The following PHEX variants were observed in gnomAD, a reference collection of about 807,000 sequenced individuals.
The protein encoded by PHEX is phosphate regulating endopeptidase X-linked.
Under a neutral mutation model 68.0 loss-of-function variants are expected in PHEX, and 16 were observed. That is an observed-to-expected ratio of 0.24 (90% confidence interval 0.16 to 0.36). The LOEUF (loss-of-function observed/expected upper bound fraction) is 0.36. Among genes scored for constraint, PHEX ranks in the 10% least tolerant of loss-of-function variants. The pLI, the probability that PHEX is intolerant of heterozygous loss-of-function variation, is 1.00. For missense variants in PHEX, 480 were observed against 575.5 expected (o/e 0.83, Z 1.70); for synonymous variants, 208 against 205.1 (o/e 1.01, Z -0.12).
chrX:22,176,396 AAAAAAAAT>A (rs1167566486), intron 13 of PHEX, among the ~76,000 whole-genome samples: 9 of 79,083 alleles, frequency 1.1e-4, no homozygotes, highest in South Asian at 5.0e-4. Flanking sequence ...AAAAAAAAAA[AAAAAAAAT>A]ATATATATAT....
intron 9 of PHEX, among the ~76,000 whole-genome samples, chrX:22,106,434 A>G (rs778341474): frequency 3.8e-4 from 42 of 111,015 alleles, no homozygotes; most frequent in Non-Finnish European, 5.9e-4. Context: ...TCTTTGTTGG[A>G]GTGTTTTGGG....
chrX:22,188,662 A>C (rs1934106492), intron 14 of PHEX, among the ~76,000 whole-genome samples: 1 of 112,326 alleles, frequency 8.9e-6, no homozygotes, highest in South Asian at 3.7e-4. Flanking sequence ...TATGGGGTAC[A>C]TGAGATATTT....
At position 22,041,051 on chromosome X, in the gene PHEX, C is replaced by T. The variant is rs1378477239; in HGVS notation, c.187+2514C>T. 2.8e-5 allele frequency among the ~76,000 whole-genome samples: 3 copies of T among 107,512 alleles called. No individual in the cohort carries two copies. The East Asian group carries it at 8.8e-4, about 32-fold the overall frequency. The allele number at this position is 107,512 out of a possible 115,157, so 93.4% of individuals were successfully genotyped here. A position where few individuals can be genotyped will look rare whatever the true frequency, so the allele number is the denominator to read the frequency against. On this transcript the variant is annotated intron_variant, in intron 2 of 21. Coordinates refer to ENST00000379374, the MANE Select transcript of PHEX (RefSeq NM_000444.6). ...GAGGTAGAGGGCCTATTGAAGGATT[C>T]GATGCAGGCTGTGAACAAAAGCAGA...
intron 15 of PHEX, among the ~76,000 whole-genome samples, chrX:22,191,575 A>G (rs764570234): frequency 8.9e-6 from 1 of 112,210 alleles, no homozygotes; most frequent in African/African-American, 3.2e-5. Context: ...TAATAGCATC[A>G]TGGGGGATCT....
chrX:22,217,795 G>T (rs1021024983), intron 16 of PHEX, among the ~76,000 whole-genome samples: 1 of 111,799 alleles, frequency 8.9e-6, no homozygotes, highest in African/African-American at 3.3e-5. Context: ...TGAACAAGTA[G>T]ATAAGAGAGT....
At chrX:22,238,335 G>T in intron 20 of PHEX, among the ~76,000 whole-genome samples, 1 of 111,770 alleles carries the variant, frequency 8.9e-6, no homozygotes, top group African/African-American at 3.2e-5. Context: ...ACAAGGGGTT[G>T]GGGGATTTCC....
intron 4 of PHEX, 35 bp downstream of exon 4, chrX:22,076,509 C>T (rs758768169): frequency 1.2e-5 from 11 of 881,504 alleles, no homozygotes; most frequent in Admixed American, 2.2e-5. Context: ...AAATATTTAC[C>T]ATCCCTATCC....
chrX:22,085,992 G>T (rs1209158097), intron 5 of PHEX, among the ~76,000 whole-genome samples: 1 of 111,662 alleles, frequency 9.0e-6, no homozygotes, highest in African/African-American at 3.3e-5. Context: ...GGGTGCATAG[G>T]TATTTATAAT....
chrX:22,040,464 C>G (rs1418135520), intron 2 of PHEX, among the ~76,000 whole-genome samples: 1 of 111,051 alleles, frequency 9.0e-6, no homozygotes, highest in Non-Finnish European at 1.9e-5. Context: ...GACCCCATCT[C>G]TGAAAGAAAG....
chrX:22,205,435 G>A (rs868341056), intron 15 of PHEX, among the ~76,000 whole-genome samples: 2 of 111,385 alleles, frequency 1.8e-5, no homozygotes, highest in Non-Finnish European at 3.8e-5. Context: ...GTCTTGCATT[G>A]TGTTACTACA....
chrX:22,183,382 T>C (rs985311802), intron 14 of PHEX, among the ~76,000 whole-genome samples: 1 of 111,450 alleles, frequency 9.0e-6, no homozygotes, highest in Non-Finnish European at 1.9e-5. Flanking sequence ...GCTGAATCTC[T>C]CCCCTACCTA....
intron 11 of PHEX, among the ~76,000 whole-genome samples, chrX:22,126,874 T>G (rs1931752186): frequency 2.2e-5 from 2 of 89,120 alleles, no homozygotes; most frequent in Admixed American, 1.2e-4. Context: ...GTTTTTTTTT[T>G]TTTTTTTTTT....
At chrX:22,219,184 G>T (rs531701799) in intron 17 of PHEX, 81 bp downstream of exon 17, 1 of 664,551 alleles carries the variant, frequency 1.5e-6, no homozygotes, top group African/African-American at 2.1e-5. Context: ...GATTATCTTT[G>T]CATAGCAGCA....
At chrX:22,073,635 GTTTTTTTTTTT>G (rs1182752837) in intron 3 of PHEX, among the ~76,000 whole-genome samples, 50 of 53,215 alleles carry the variant, frequency 9.4e-4, no homozygotes, top group Middle Eastern at 0.014. Context: ...CTGTGCTATA[GTTTTTTTTTTT>G]TTTTTTTTTT....
chrX:22,133,698 TA>T, intron 12 of PHEX, 74 bp downstream of exon 12: 1 of 801,027 alleles, frequency 1.2e-6, no homozygotes, highest in Admixed American at 2.6e-5. Flanking sequence ...ATTGACTGTG[TA>T]GTTGGTTTTT....
At chrX:22,034,037 G>A (rs1926910182) in intron 1 of PHEX, among the ~76,000 whole-genome samples, 1 of 112,057 alleles carries the variant, frequency 8.9e-6, no homozygotes, top group Non-Finnish European at 1.9e-5. Context: ...AGGGTTGTGT[G>A]GTTGAAAACT....
chrX:22,040,592 G>A lies in PHEX; in HGVS notation c.187+2055G>A, dbSNP rs186757398. On this transcript the variant is annotated intron_variant, in intron 2 of 21. Coordinates refer to ENST00000379374, the MANE Select transcript of PHEX (RefSeq NM_000444.6). ...AAAGCCGGAGGACATGACCTTGGAGGTGACCTTTGAATGATGAGGAGGGAA... is the reference window on the plus strand; with the variant it reads ...AAAGCCGGAGGACATGACCTTGGAGATGACCTTTGAATGATGAGGAGGGAA... Among the ~76,000 whole-genome samples the A allele has an allele frequency of 4.5e-5, 5 of 112,212 alleles. No homozygotes were observed. In the East Asian group the frequency reaches 1.4e-3, roughly 32 times the overall value.
At chrX:22,132,495 C>G (rs1932052263) in intron 11 of PHEX, among the ~76,000 whole-genome samples, 1 of 111,528 alleles carries the variant, frequency 9.0e-6, no homozygotes, top group African/African-American at 3.3e-5. Context: ...TATAGAAGAG[C>G]CGAACATTTA....
In PHEX at chrX:22,247,841, C is replaced by T. The variant is rs748578936; in HGVS notation, c.2148-10C>T. 1.8e-6 allele frequency: 2 copies of T among 1,140,043 alleles called. No individual in the cohort carries two copies. Among genetic ancestry groups the T allele is most frequent in the East Asian group, 3.0e-5 (1 of 33,494 alleles). The allele number at this position is 1,140,043 out of a possible 1,213,427, so 94.0% of individuals were successfully genotyped here. On this transcript the variant is annotated splice_polypyrimidine_tract_variant and intron_variant, in intron 21 of 21. Coordinates refer to ENST00000379374, the MANE Select transcript of PHEX (RefSeq NM_000444.6). ...TTATATGACATATGCTTTGACATAT[C>T]GTTTTTCAGGGTCAATGGTGCAATT...
Sources: allele counts gnomAD v4.1 joint callset (sites outside exome capture counted in the v4.1 genomes callset), GRCh38; gene constraint gnomAD v4.1.1; transcripts MANE v1.5; gene names NCBI Gene and HGNC (gene_info 2026-07-23, HGNC 2026-07-21).